The following LAMA1 variants were observed in gnomAD, a reference collection of about 807,000 sequenced individuals.
LAMA1 encodes the protein laminin subunit alpha 1, also known as laminin subunit alpha-1.
In LAMA1, 219 loss-of-function variants were observed where a neutral mutation model predicts 348.7. That is an observed-to-expected ratio of 0.63 (90% CI 0.56 to 0.70). The LOEUF is 0.70. Among genes scored for constraint, LAMA1 ranks in the 30% least tolerant of loss-of-function variants. The pLI, the probability that LAMA1 is intolerant of heterozygous loss-of-function variation, is 0.00. For missense variants in LAMA1, 3,744 were observed against 3,888.0 expected, an observed-to-expected ratio of 0.96 and a Z score of 0.99; for synonymous variants, 1,487 against 1,491.0, an observed-to-expected ratio of 1.00 and a Z score of 0.06.
At position 6,956,621 on chromosome 18, in the gene LAMA1, G is replaced by T. The variant is rs779902509; in HGVS notation, c.8094+15C>A. 1.2e-6 allele frequency: 2 copies of T among 1,613,970 alleles called. No individual in the cohort carries two copies. Among genetic ancestry groups the T allele is most frequent in the Admixed American group, 3.3e-5 (2 of 60,016 alleles). ...CTGACTGGACCTGACTGATAGTAAA[G>T]GAAGCCGCTCCTACTGGAAAAGCCC... On this transcript the variant is annotated intron_variant, in intron 56 of 62. Coordinates refer to ENST00000389658, the MANE Select transcript of LAMA1 (RefSeq NM_005559.4).
At chr18:7,029,625 G>A (rs537512463) in intron 16 of LAMA1, among the ~76,000 whole-genome samples, 81 of 152,192 alleles carry the variant, frequency 5.3e-4, no homozygotes, top group Middle Eastern at 3.4e-3. Flanking sequence ...GTCCCTGTTG[G>A]TGAATCTGGT....
chr18:7,088,416 G>A (rs1008174308), intron 1 of LAMA1, among the ~76,000 whole-genome samples: 5 of 152,126 alleles, frequency 3.3e-5, no homozygotes, highest in Admixed American at 1.3e-4. Flanking sequence ...AACGGGTTAT[G>A]TAAAAAATGA....
chr18:7,069,013 A>G (rs893780703), intron 3 of LAMA1, among the ~76,000 whole-genome samples: 1 of 152,236 alleles, frequency 6.6e-6, no homozygotes, highest in Non-Finnish European at 1.5e-5. Context: ...CCAATCCTGC[A>G]AAACTGTCTT....
intron 59 of LAMA1, 92 bp downstream of exon 59, chr18:6,949,009 T>A: frequency 6.6e-7 from 1 of 1,515,568 alleles, no homozygotes. Flanking sequence ...AACAAGGTAA[T>A]TTAAACATAA....
intron 62 of LAMA1, among the ~76,000 whole-genome samples, chr18:6,942,734 A>T (rs1453959643): frequency 2.6e-5 from 4 of 152,204 alleles, no homozygotes; most frequent in Non-Finnish European, 5.9e-5. Context: ...AATATATAAA[A>T]TTTTAAGGCA....
rs540480470 is a variant in LAMA1 at position 6,979,456 on chromosome 18, C to T, written c.6007+1065G>A. ...ACCAAGGCAAGAGGGTCGCTTGAGG[C>T]CAAGAGTTCAAGGCCAATCTGGGCA... On this transcript the variant is annotated intron_variant, in intron 42 of 62. Coordinates refer to ENST00000389658, the MANE Select transcript of LAMA1 (RefSeq NM_005559.4). 1.3e-4 allele frequency among the ~76,000 whole-genome samples: 20 copies of T among 152,208 alleles called. No individual in the cohort carries two copies. In the East Asian group the frequency reaches 3.7e-3, roughly 28 times the overall value.
intron 58 of LAMA1, 37 bp downstream of exon 58, chr18:6,950,745 C>T: frequency 6.2e-7 from 1 of 1,611,088 alleles, no homozygotes; most frequent in Admixed American, 1.7e-5. Flanking sequence ...TGGAACAGAA[C>T]TCAGAAGCAG....
At chr18:7,053,703 C>T (rs1254207771) in intron 3 of LAMA1, among the ~76,000 whole-genome samples, 2 of 151,994 alleles carry the variant, frequency 1.3e-5, no homozygotes, top group Non-Finnish European at 2.9e-5. Flanking sequence ...AGGCCTTCTG[C>T]AAGTACTTCC....
intron 4 of LAMA1, among the ~76,000 whole-genome samples, chr18:7,049,830 C>T (rs1049432121): frequency 2.0e-5 from 3 of 152,042 alleles, no homozygotes; most frequent in Non-Finnish European, 2.9e-5. Flanking sequence ...GTATGTTTTC[C>T]TGAATGTAAA....
intron 16 of LAMA1, 113 bp downstream of exon 16, chr18:7,031,953 T>A: frequency 1.3e-6 from 1 of 746,746 alleles, no homozygotes; most frequent in Middle Eastern, 3.5e-4. Context: ...CTTTGGGGTC[T>A]ATGAGGCTAG....
intron 57 of LAMA1, among the ~76,000 whole-genome samples, chr18:6,952,101 A>G (rs933567758): frequency 3.3e-5 from 5 of 152,138 alleles, no homozygotes; most frequent in Non-Finnish European, 7.3e-5. Flanking sequence ...AGGTTCTGCC[A>G]TATCTAGGTG....
chr18:6,998,127 G>C (rs1432170362), intron 32 of LAMA1, among the ~76,000 whole-genome samples: 1 of 152,154 alleles, frequency 6.6e-6, no homozygotes, highest in Non-Finnish European at 1.5e-5. Context: ...TAACTTCCCA[G>C]AGGTCACACA....
At chr18:7,070,159 T>C (rs1408659305) in intron 3 of LAMA1, among the ~76,000 whole-genome samples, 1 of 152,192 alleles carries the variant, frequency 6.6e-6, no homozygotes, top group Non-Finnish European at 1.5e-5. Context: ...ATCATAATGA[T>C]GAGCTTAAGA....
chr18:6,947,739 G>A (rs2057528719), intron 60 of LAMA1, among the ~76,000 whole-genome samples: 1 of 152,202 alleles, frequency 6.6e-6, no homozygotes, highest in Non-Finnish European at 1.5e-5. Context: ...TACTAAGTTT[G>A]TTAAAGGTGG....
In LAMA1 at chr18:6,980,574, T is replaced by A. The variant is rs1028200951; in HGVS notation, c.5954A>T (p.Glu1985Val). 1 of 1,613,636 alleles carries A rather than the reference T, an allele frequency of 6.2e-7. No individual in the cohort carries two copies. Among genetic ancestry groups the A allele is most frequent in the Non-Finnish European group, 8.5e-7 (1 of 1,179,704 alleles). The change falls in exon 42 of 63, where the codon GAA becomes GTA. Residue 1985 changes from glutamate to valine, a missense_variant. By Grantham distance (121) the Glu-to-Val change is moderately radical. Coordinates refer to ENST00000389658, the MANE Select transcript of LAMA1 (RefSeq NM_005559.4). ...KTNRFQENAVEITRQTNESLL... is the reference protein window; with the variant it reads ...KTNRFQENAVVITRQTNESLL... The stretch of plus-strand genomic sequence containing the variant: ...TGATTCATTGGTTTGCCTGGTAATT[T>A]CAACAGCATTCTCTTGAAATCTGTT...
intron 3 of LAMA1, among the ~76,000 whole-genome samples, chr18:7,073,622 G>A (rs1335809585): frequency 6.6e-6 from 1 of 152,172 alleles, no homozygotes; most frequent in East Asian, 1.9e-4. Context: ...TCTACTGTAT[G>A]CACATACCAT....
chr18:7,104,869 C>T (rs537938446), intron 1 of LAMA1, among the ~76,000 whole-genome samples: 22 of 152,200 alleles, frequency 1.4e-4, no homozygotes, highest in Non-Finnish European at 2.8e-4. Flanking sequence ...ACCCTGCAGA[C>T]GGGCCCAGGC....
At chr18:6,983,445 C>G (rs1343673494) in intron 39 of LAMA1, among the ~76,000 whole-genome samples, 1 of 152,188 alleles carries the variant, frequency 6.6e-6, no homozygotes, top group African/African-American at 2.4e-5. Flanking sequence ...TCATAACACT[C>G]AGAACTGCTA....
chr18:6,968,932 T>C (rs2057646047), intron 48 of LAMA1, among the ~76,000 whole-genome samples: 1 of 152,210 alleles, frequency 6.6e-6, no homozygotes, highest in Non-Finnish European at 1.5e-5. Flanking sequence ...GGAATTATAA[T>C]CTAAGTCTGC....
Sources: gnomAD v4.1 joint callset for allele counts (sites outside exome capture counted in the v4.1 genomes callset) on GRCh38, gnomAD v4.1.1 for gene constraint, MANE v1.5 for transcripts, NCBI Gene and HGNC (gene_info 2026-07-23, HGNC 2026-07-21) for gene names.